The following SAE1 variants were observed in gnomAD, a reference collection of about 807,000 sequenced individuals.
The protein encoded by SAE1 is SUMO-activating enzyme subunit 1.
SAE1 carries 11 observed loss-of-function variants against 40.6 expected under a neutral mutation model. The ratio of observed to expected loss-of-function variants is 0.27; its 90% confidence interval spans 0.17 to 0.45. SAE1 has a LOEUF of 0.45. Ranked by LOEUF, SAE1 falls within the 20% of genes least tolerant of loss-of-function variation. SAE1 has a pLI of 1.00. For synonymous variants in SAE1, 155 were observed against 154.3 expected, an observed-to-expected ratio of 1.00 and a Z score of -0.03; for missense variants, 373 against 427.3, an observed-to-expected ratio of 0.87 and a Z score of 1.12.
chr19:47,153,772 C>G (rs902297846), intron 4 of SAE1, among the ~76,000 whole-genome samples: 3 of 152,062 alleles, frequency 2.0e-5, no homozygotes, highest in Non-Finnish European at 4.4e-5. Flanking sequence ...TAATCTAGTT[C>G]TTTGGGCATA....
intron 6 of SAE1, among the ~76,000 whole-genome samples, chr19:47,183,625 C>T (rs2123283048): frequency 6.6e-6 from 1 of 152,180 alleles, no homozygotes; most frequent in Non-Finnish European, 1.5e-5. Context: ...CTTAGCAGGC[C>T]CACATCTCCC....
chr19:47,174,484 C>T (rs917403293), intron 6 of SAE1, among the ~76,000 whole-genome samples: 8 of 151,524 alleles, frequency 5.3e-5, no homozygotes, highest in Non-Finnish European at 4.4e-5. Context: ...ACAACCTCCA[C>T]CTCCCAGGTT....
chr19:47,167,991 G>T (rs2058405208), intron 5 of SAE1, among the ~76,000 whole-genome samples: 1 of 152,136 alleles, frequency 6.6e-6, no homozygotes, highest in South Asian at 2.1e-4. Flanking sequence ...TCAGGAGTTT[G>T]AGACTAGCCT....
At position 47,150,384 on chromosome 19, in the gene SAE1, CTTA is replaced by C; in HGVS notation, c.384+14_384+16del. ...TCACTCAATTCGATGCTGTAAGTTT[CTTA>C]TTATAAAATCTGCTGTGGGAATTAA... On this transcript the variant is annotated intron_variant, in intron 3 of 8. Transcript: ENST00000270225. 2 of 1,589,494 alleles carry C rather than the reference CTTA, an allele frequency of 1.3e-6. No homozygotes were observed. Among genetic ancestry groups the C allele is most frequent in the African/African-American group, 1.4e-5 (1 of 73,788 alleles).
At chr19:47,156,524 A>G (rs1376147681) in intron 5 of SAE1, among the ~76,000 whole-genome samples, 1 of 151,946 alleles carries the variant, frequency 6.6e-6, no homozygotes, top group East Asian at 1.9e-4. Context: ...TTGCCAAATA[A>G]CCTTTAATAA....
chr19:47,172,957 A>G (rs2058444250), intron 6 of SAE1, among the ~76,000 whole-genome samples: 1 of 152,138 alleles, frequency 6.6e-6, no homozygotes, highest in South Asian at 2.1e-4. Flanking sequence ...TCAGTGGCTC[A>G]AGATCACCCA....
intron 6 of SAE1, among the ~76,000 whole-genome samples, chr19:47,184,513 C>T (rs1458843121): frequency 6.6e-6 from 1 of 151,936 alleles, no homozygotes; most frequent in Admixed American, 6.6e-5. Context: ...TGGGTTCAAG[C>T]GATTCTCCTG....
At chr19:47,135,377 G>C (rs956642967) in intron 1 of SAE1, among the ~76,000 whole-genome samples, 1 of 152,024 alleles carries the variant, frequency 6.6e-6, no homozygotes, top group Non-Finnish European at 1.5e-5. Context: ...ATCTGCATGA[G>C]TTCAATTGTT....
chr19:47,177,500 AG>A lies in SAE1; in HGVS notation c.733+7579del, dbSNP rs1422200335. ...CGACCTGCAAAGTAGCTGGGACTAC[AG>A]GCGTGTGCCACCATGTCCAGCTATT... On this transcript the variant is annotated intron_variant, in intron 6 of 8. Transcript: ENST00000270225. 2.6e-5 allele frequency among the ~76,000 whole-genome samples: 4 copies of A among 152,274 alleles called. No individual in the cohort carries two copies. The East Asian group carries it at 7.7e-4, about 29-fold the overall frequency.
intron 1 of SAE1, among the ~76,000 whole-genome samples, chr19:47,140,597 G>A (rs2058215010): frequency 6.7e-6 from 1 of 150,108 alleles, no homozygotes; most frequent in South Asian, 2.1e-4. Context: ...GATGAGCCTG[G>A]GCAACATAGT....
chr19:47,130,972 G>T lies in SAE1; in HGVS notation c.42G>T (p.Glu14Asp). 1.3e-6 allele frequency: 2 copies of T among 1,549,858 alleles called. No individual in the cohort carries two copies. Among genetic ancestry groups the T allele is most frequent in the Non-Finnish European group, 1.7e-6 (2 of 1,146,402 alleles). Residue 14 changes from glutamate (E) to aspartate (D), a missense_variant, in exon 1 of 9, where the codon GAG (glutamate) becomes GAT (aspartate). By Grantham distance (45) the Glu-to-Asp change is conservative (BLOSUM62 2). This residue lies in a region of SAE1 where 18 missense variants were observed against 18.0 expected (regional missense o/e 1.00). Coordinates refer to ENST00000270225, the MANE Select transcript of SAE1 (RefSeq NM_005500.3). ...AGGCTGGCGGCGGCATTAGCGAGGAGGAGGCGGCACAGTATGACCGGCAGA... is the reference window on the plus strand; with the variant it reads ...AGGCTGGCGGCGGCATTAGCGAGGATGAGGCGGCACAGTATGACCGGCAGA... ...KEEAGGGISE[E>D]EAAQYDRQIR...
At chr19:47,150,934 C>T (rs1383678025) in intron 3 of SAE1, among the ~76,000 whole-genome samples, 1 of 152,142 alleles carries the variant, frequency 6.6e-6, no homozygotes, top group Non-Finnish European at 1.5e-5. Context: ...CATATCCAGC[C>T]TCATTTAGTT....
rs115157253 is a variant in SAE1 at position 47,203,554 on chromosome 19, G to A, written c.879-117G>A. 837 of 795,028 alleles carry A rather than the reference G, an allele frequency of 1.1e-3. 8 individuals carry two copies. In the African/African-American group the frequency reaches 0.013, roughly 12 times the overall value. The allele number at this position is 795,028 out of a possible 1,614,324, so 49.2% of individuals were successfully genotyped here. On this transcript the variant is annotated intron_variant, in intron 7 of 8. Coordinates refer to ENST00000270225, the MANE Select transcript of SAE1 (RefSeq NM_005500.3). ...CAGCATTAACACTGCTATCTGAATC[G>A]GGCCCTCCTGCTAGAAGTTGTTTTT...
Position 47,131,028 on chromosome 19 carries a change from G to C in SAE1, c.98G>C (p.Arg33Pro), listed in dbSNP as rs2058138097. Residue 33 changes from arginine (R) to proline (P), a missense_variant and splice_region_variant, in exon 1 of 9, where the codon CGG becomes CCG. Arg to Pro is a moderately radical substitution (Grantham distance 103). This residue lies in a region of SAE1 where 351 missense variants were observed against 390.6 expected (regional missense o/e 0.90). Coordinates refer to ENST00000270225, the MANE Select transcript of SAE1 (RefSeq NM_005500.3). ...CTGTGGGGACTGGAGGCCCAGAAAC[G>C]GTCAGGGCCGGCGCGGCTTGAGGCC... ...IRLWGLEAQK[R>P]LRASRVLLVG... 6.5e-7 allele frequency: 1 copy of C among 1,536,164 alleles called. No individual in the cohort carries two copies. Among genetic ancestry groups the C allele is most frequent in the Non-Finnish European group, 8.8e-7 (1 of 1,140,436 alleles).
chr19:47,202,552 C>T (rs2058661345), intron 7 of SAE1, among the ~76,000 whole-genome samples: 1 of 151,234 alleles, frequency 6.6e-6, no homozygotes, highest in South Asian at 2.1e-4. Context: ...TCCCAAAGTG[C>T]TGGGATTACA....
intron 7 of SAE1, among the ~76,000 whole-genome samples, chr19:47,200,048 A>G (rs2058642970): frequency 6.6e-6 from 1 of 151,448 alleles, no homozygotes; most frequent in Admixed American, 6.6e-5. Flanking sequence ...CTCCTGCCTC[A>G]GCCTCCCCAG....
At chr19:47,203,822 C>G (rs1399995320) in intron 8 of SAE1, 82 bp downstream of exon 8, 8 of 1,214,390 alleles carry the variant, frequency 6.6e-6, no homozygotes, top group Non-Finnish European at 9.7e-6. Context: ...CTGTCTTAGA[C>G]AGCTGCCTGC....
chr19:47,163,463 C>T (rs1340979499), intron 5 of SAE1, among the ~76,000 whole-genome samples: 4 of 152,122 alleles, frequency 2.6e-5, no homozygotes, highest in African/African-American at 7.2e-5. Flanking sequence ...CGCAGTGCCT[C>T]ACGCCTGAAA....
intron 1 of SAE1, among the ~76,000 whole-genome samples, chr19:47,142,794 A>G (rs572432397): frequency 6.6e-6 from 1 of 152,246 alleles, no homozygotes; most frequent in South Asian, 2.1e-4. Context: ...TTTTGCTCAT[A>G]TGGCATCTCC....
Sources: gnomAD v4.1 joint callset for allele counts (sites outside exome capture counted in the v4.1 genomes callset) on GRCh38, gnomAD v4.1.1 for gene constraint, gnomAD v4.1.1 regional missense constraint, MANE v1.5 for transcripts, NCBI Gene and HGNC (gene_info 2026-07-23, HGNC 2026-07-21) for gene names.